The following LGI1 variants were observed in gnomAD, a reference collection of about 807,000 sequenced individuals.
The protein encoded by LGI1 is leucine-rich glioma-inactivated protein 1.
Under a neutral mutation model 57.7 loss-of-function variants are expected in LGI1, and 11 were observed. The ratio of observed to expected loss-of-function variants is 0.19; its 90% CI spans 0.12 to 0.32. LGI1 has a LOEUF of 0.32. LGI1 is among the 10% of genes least tolerant of loss of function. The pLI is 1.00. For missense variants in LGI1, 422 were observed against 661.9 expected (o/e 0.64, Z 3.98); for synonymous variants, 222 against 241.9 (o/e 0.92, Z 0.76).
intron 7 of LGI1, chr10:93,794,009 C>CTTTTTTTTTTTTTTTTT: frequency 8.9e-6 from 1 of 112,250 alleles, no homozygotes; most frequent in Non-Finnish European, 1.7e-5. Flanking sequence ...TTTCTTTTTT[C>CTTTTTTTTTTTTTTTTT]TTTTTTTTTC....
intron 7 of LGI1, chr10:93,793,791 A>C (rs764262869): frequency 6.1e-6 from 1 of 165,112 alleles, no homozygotes; most frequent in Non-Finnish European, 1.3e-5. Context: ...TAAGTCTCAA[A>C]TTTGTTACAC....
intron 2 of LGI1, among the ~76,000 whole-genome samples, chr10:93,765,941 G>A (rs1192043210): frequency 2.9e-5 from 4 of 137,876 alleles, no homozygotes; most frequent in East Asian, 2.1e-4. Flanking sequence ...CTGCACTCCA[G>A]CCTGGGCGAC....
intron 2 of LGI1, among the ~76,000 whole-genome samples, chr10:93,761,806 T>C (rs2059626622): frequency 6.6e-6 from 1 of 152,222 alleles, no homozygotes; most frequent in Non-Finnish European, 1.5e-5. Flanking sequence ...TAAAAACCTT[T>C]CCCAAGCAAA....
Position 93,758,417 on chromosome 10 carries a change from A to G in LGI1, c.215+58A>G, listed in dbSNP as rs575994604. The stretch of plus-strand genomic sequence containing the variant: ...ACGATTTAAAAATTCCAGCCGGTGG[A>G]TTTGGGGCTTTGCATGTATTTGTAG... On this transcript the variant is annotated intron_variant, in intron 1 of 7. Coordinates refer to ENST00000371418, the MANE Select transcript of LGI1 (RefSeq NM_005097.4). This position sits in a 1 kb window ranked among gnomAD's most constrained non-coding sequence, Gnocchi z 4.7. The G allele has an allele frequency of 2.3e-5, 35 of 1,524,764 alleles. 1 individual carries two copies. The South Asian group carries it at 3.6e-4, about 16-fold the overall frequency. 94.5% of individuals were successfully genotyped at this position (1,524,764 alleles called of 1,614,324 possible). A position where few individuals can be genotyped will look rare whatever the true frequency, so the allele number is the denominator to read the frequency against.
At chr10:93,789,742 C>T (rs912152335) in intron 4 of LGI1, 3 of 215,834 alleles carry the variant, frequency 1.4e-5, no homozygotes, top group East Asian at 1.1e-4. Context: ...GGTATGGTGG[C>T]GGGCACATGT....
At chr10:93,793,467 T>C in intron 7 of LGI1, 117 bp downstream of exon 7, 1 of 896,840 alleles carries the variant, frequency 1.1e-6, no homozygotes. Flanking sequence ...ACTCTACCAT[T>C]TGTTAAGTGA....
At chr10:93,785,334 C>T (rs2059886290) in intron 4 of LGI1, among the ~76,000 whole-genome samples, 1 of 152,142 alleles carries the variant, frequency 6.6e-6, no homozygotes, top group South Asian at 2.1e-4. Context: ...TACAGTTTTT[C>T]CTGGAATCCA....
chr10:93,766,928 A>G (rs1430308982), intron 2 of LGI1: 1 of 152,138 alleles, frequency 6.6e-6, no homozygotes, highest in Non-Finnish European at 1.5e-5. Context: ...CGCCCCTATT[A>G]AGTAGCAGAG....
At chr10:93,779,916 A>G (rs910998941) in intron 4 of LGI1, among the ~76,000 whole-genome samples, 2 of 152,198 alleles carry the variant, frequency 1.3e-5, no homozygotes, top group African/African-American at 4.8e-5. Context: ...GGTCTCTTGT[A>G]TCTTTAGCTA....
At chr10:93,780,860 A>G (rs2134006230) in intron 4 of LGI1, among the ~76,000 whole-genome samples, 1 of 152,220 alleles carries the variant, frequency 6.6e-6, no homozygotes, top group African/African-American at 2.4e-5. Flanking sequence ...CTACCCTCAT[A>G]TTTCATCTCA....
intron 2 of LGI1, chr10:93,771,740 C>T (rs141171249): frequency 0.025 from 3,765 of 152,238 alleles, 96 homozygotes; most frequent in South Asian, 0.11. Flanking sequence ...ACTTGGGAGG[C>T]CGAGGAGGGT....
At chr10:93,761,847 A>G (rs1264578220) in intron 2 of LGI1, among the ~76,000 whole-genome samples, 2 of 151,816 alleles carry the variant, frequency 1.3e-5, no homozygotes, top group East Asian at 3.8e-4. Context: ...ACATAGGGCC[A>G]GTTTCGAAAC....
At position 93,758,635 on chromosome 10, in the gene LGI1, T is replaced by C. The variant is rs1302732770; in HGVS notation, c.216-125T>C. On this transcript the variant is annotated intron_variant, in intron 1 of 7. Coordinates refer to ENST00000371418, the MANE Select transcript of LGI1 (RefSeq NM_005097.4). The surrounding 1 kb of genome is among the most constrained non-coding windows in gnomAD (Gnocchi z 4.7). The stretch of plus-strand genomic sequence containing the variant: ...CATCTGGGAAGGAATAGTATCGTAC[T>C]TCATAAAATAGTGTCAAAATAGTCA... 1.3e-6 allele frequency: 1 copy of C among 753,098 alleles called. No individual in the cohort carries two copies. The allele number at this position is 753,098 out of a possible 1,614,324, so 46.7% of individuals were successfully genotyped here. A position where few individuals can be genotyped will look rare whatever the true frequency, so the allele number is the denominator to read the frequency against.
chr10:93,758,451 GGAGA>G lies in LGI1; in HGVS notation c.215+99_215+102del. On this transcript the variant is annotated intron_variant, in intron 1 of 7. Coordinates refer to ENST00000371418, the MANE Select transcript of LGI1 (RefSeq NM_005097.4). This position sits in a 1 kb window ranked among gnomAD's most constrained non-coding sequence, Gnocchi z 4.7. Reference sequence around the variant, plus strand: ...TTTGCATGTATTTGTAGAAGGGCATGGAGAGAGAGATTCCTCTTGCATGCTTGGC... The same window carrying G: ...TTTGCATGTATTTGTAGAAGGGCATGGAGAGATTCCTCTTGCATGCTTGGC... 2 of 1,217,448 alleles carry G rather than the reference GGAGA, an allele frequency of 1.6e-6. No homozygotes were observed. Among genetic ancestry groups the G allele is most frequent in the South Asian group, 1.2e-5 (1 of 82,622 alleles). The allele number at this position is 1,217,448 out of a possible 1,614,324, so 75.4% of individuals were successfully genotyped here.
At position 93,786,026 on chromosome 10, in the gene LGI1, C is replaced by G. The variant is rs2059891430; in HGVS notation, c.432-4073C>G. ...AATCTCCCTGAAGCCCTCAGATGCC[C>G]ATGATGATTTGTGGAGGCAACAGGC... On this transcript the variant is annotated intron_variant, in intron 4 of 7. Transcript: ENST00000371418. Among the ~76,000 whole-genome samples the G allele has an allele frequency of 4.4e-5, 2 of 45,846 alleles. 1 individual carries two copies. Among genetic ancestry groups the G allele is most frequent in the Non-Finnish European group, 3.3e-4 (2 of 6,140 alleles). The allele number at this position is 45,846 out of a possible 152,430, so 30.1% of individuals were successfully genotyped here.
intron 2 of LGI1, chr10:93,771,332 G>A (rs2059736215): frequency 6.6e-6 from 1 of 152,196 alleles, no homozygotes. Flanking sequence ...TTGATCTCAA[G>A]ACAGGAAAGG....
chr10:93,766,096 A>T (rs980325335), intron 2 of LGI1, among the ~76,000 whole-genome samples: 1 of 152,198 alleles, frequency 6.6e-6, no homozygotes, highest in Non-Finnish European at 1.5e-5. Flanking sequence ...TATTAATACA[A>T]TAATTGTAGT....
At chr10:93,781,953 A>G (rs936770447) in intron 4 of LGI1, among the ~76,000 whole-genome samples, 1 of 152,200 alleles carries the variant, frequency 6.6e-6, no homozygotes, top group African/African-American at 2.4e-5. Context: ...GGACTATATA[A>G]CAGTCCCCAA....
chr10:93,780,036 T>G (rs192210024), intron 4 of LGI1, among the ~76,000 whole-genome samples: 1 of 152,342 alleles, frequency 6.6e-6, no homozygotes, highest in East Asian at 1.9e-4. Flanking sequence ...ATGTGACACA[T>G]GCTTTACAAG....
Sources: gnomAD v4.1 joint callset for allele counts (sites outside exome capture counted in the v4.1 genomes callset) on GRCh38, gnomAD v4.1.1 for gene constraint, Gnocchi (gnomAD v3.1) non-coding constraint, MANE v1.5 for transcripts, NCBI Gene and HGNC (gene_info 2026-07-23, HGNC 2026-07-21) for gene names.